The following GRID1 variants were observed in gnomAD, a reference collection of about 807,000 sequenced individuals.
GRID1 encodes glutamate receptor ionotropic, delta-1.
Under a neutral mutation model 98.0 loss-of-function variants are expected in GRID1, and 28 were observed. The observed-to-expected ratio is 0.29, with a 90% CI of 0.21 to 0.39. The LOEUF is 0.39. GRID1 is among the 10% of genes least tolerant of loss of function. GRID1 has a pLI of 1.00. For missense variants in GRID1, 1,111 were observed against 1,340.5 expected (o/e 0.83, Z 2.67); for synonymous variants, 553 against 538.5 (o/e 1.03, Z -0.37).
intron 12 of GRID1, among the ~76,000 whole-genome samples, chr10:85,698,751 A>G (rs1279662713): frequency 2.0e-5 from 3 of 152,258 alleles, no homozygotes; most frequent in Admixed American, 6.5e-5. Context: ...ACTGTCTGCC[A>G]AAGTGGCCAT....
At chr10:85,743,633 G>C (rs1841971270) in intron 8 of GRID1, among the ~76,000 whole-genome samples, 2 of 152,084 alleles carry the variant, frequency 1.3e-5, no homozygotes, top group South Asian at 2.1e-4. Flanking sequence ...ATTGGAAGCT[G>C]AAAAAGAAGC....
intron 3 of GRID1, among the ~76,000 whole-genome samples, chr10:86,182,223 T>A (rs1363989700): frequency 6.6e-6 from 1 of 152,218 alleles, no homozygotes; most frequent in Non-Finnish European, 1.5e-5. Flanking sequence ...CCTGAGGGGC[T>A]GCCCAGTGGC....
intron 2 of GRID1, among the ~76,000 whole-genome samples, chr10:86,288,722 CAGAT>C (rs1847469604): frequency 6.6e-6 from 1 of 152,194 alleles, no homozygotes; most frequent in Non-Finnish European, 1.5e-5. Flanking sequence ...CTCAAATTGC[CAGAT>C]AATGTCAATC....
chr10:85,794,347 T>C (rs1842506716), intron 8 of GRID1, among the ~76,000 whole-genome samples: 1 of 152,238 alleles, frequency 6.6e-6, no homozygotes, highest in Non-Finnish European at 1.5e-5. Context: ...TGAGATTGAA[T>C]CTCAGAGCAT....
At chr10:86,322,959 G>C (rs1030009093) in intron 2 of GRID1, among the ~76,000 whole-genome samples, 16 of 151,536 alleles carry the variant, frequency 1.1e-4, no homozygotes, top group Non-Finnish European at 2.1e-4. Context: ...GCTAGGTGTG[G>C]TGCCGCACAC....
At chr10:85,667,269 G>C (rs1322414779) in intron 12 of GRID1, among the ~76,000 whole-genome samples, 1 of 151,958 alleles carries the variant, frequency 6.6e-6, no homozygotes, top group African/African-American at 2.4e-5. Context: ...TTCAGGTAGA[G>C]GCAGGCATTC....
At chr10:85,702,700 G>A (rs1041560466) in intron 12 of GRID1, among the ~76,000 whole-genome samples, 7 of 151,564 alleles carry the variant, frequency 4.6e-5, no homozygotes, top group East Asian at 3.9e-4. Context: ...GGAAGAGGAA[G>A]ACGGACAACA....
At chr10:85,975,266 A>G (rs1296628644) in intron 4 of GRID1, among the ~76,000 whole-genome samples, 1 of 152,226 alleles carries the variant, frequency 6.6e-6, no homozygotes, top group East Asian at 1.9e-4. Context: ...TGACAAAAAC[A>G]CTGAGATTTC....
chr10:86,237,275 C>G (rs906764022), intron 2 of GRID1, among the ~76,000 whole-genome samples: 1 of 152,192 alleles, frequency 6.6e-6, no homozygotes, highest in East Asian at 1.9e-4. Context: ...GCTCAAATCT[C>G]ATGTCAAATT....
chr10:85,874,212 G>C (rs1589282810), intron 5 of GRID1, among the ~76,000 whole-genome samples: 1 of 152,016 alleles, frequency 6.6e-6, no homozygotes, highest in African/African-American at 2.4e-5. Context: ...AATATGTAAA[G>C]TGTAAAATAA....
chr10:86,152,140 T>A (rs1845178863), intron 3 of GRID1, among the ~76,000 whole-genome samples: 1 of 151,364 alleles, frequency 6.6e-6, no homozygotes, highest in Non-Finnish European at 1.5e-5. Context: ...GAGTGGGGAG[T>A]TGGAACTTGC....
At chr10:86,213,637 C>T (rs1244484699) in intron 2 of GRID1, among the ~76,000 whole-genome samples, 1 of 152,110 alleles carries the variant, frequency 6.6e-6, no homozygotes, top group Non-Finnish European at 1.5e-5. Flanking sequence ...GAATCATCAA[C>T]ATTCCTTGCA....
At chr10:86,126,718 T>C (rs193185885) in intron 4 of GRID1, among the ~76,000 whole-genome samples, 16 of 152,332 alleles carry the variant, frequency 1.1e-4, no homozygotes, top group Non-Finnish European at 1.5e-4. Flanking sequence ...GCTACAAACA[T>C]TTAAAAACTA....
chr10:86,271,686 T>C (rs1004215171), intron 2 of GRID1, among the ~76,000 whole-genome samples: 4 of 151,962 alleles, frequency 2.6e-5, no homozygotes, highest in Admixed American at 1.3e-4. Flanking sequence ...AATTAGCAAA[T>C]TTAAATACAT....
At chr10:85,640,368 G>T (rs1422792629) in intron 13 of GRID1, among the ~76,000 whole-genome samples, 2 of 152,162 alleles carry the variant, frequency 1.3e-5, no homozygotes, top group African/African-American at 4.8e-5. Context: ...TGGCTACAAG[G>T]GCTCTTGCTG....
At chr10:86,263,720 G>A (rs1478267957) in intron 2 of GRID1, among the ~76,000 whole-genome samples, 1 of 152,134 alleles carries the variant, frequency 6.6e-6, no homozygotes, top group African/African-American at 2.4e-5. Flanking sequence ...AACAGTGCCT[G>A]GTACATATCA....
At chr10:85,865,918 T>TATATATATATATATATATATATATAC (rs1843211893) in intron 6 of GRID1, among the ~76,000 whole-genome samples, 1 of 94,534 alleles carries the variant, frequency 1.1e-5, no homozygotes, top group Non-Finnish European at 2.1e-5. Context: ...TATACATATA[T>TATATATATATATATATATATATATAC]ATATATATAT....
At chr10:85,832,668 A>T (rs1008517896) in intron 8 of GRID1, among the ~76,000 whole-genome samples, 3 of 152,160 alleles carry the variant, frequency 2.0e-5, no homozygotes, top group African/African-American at 7.2e-5. Context: ...CAAAATAGTA[A>T]TGGAACTCAG....
At chr10:85,906,303 G>C (rs1370546489) in intron 5 of GRID1, among the ~76,000 whole-genome samples, 2 of 152,008 alleles carry the variant, frequency 1.3e-5, no homozygotes, top group African/African-American at 4.8e-5. Context: ...TCACAATTAA[G>C]GATGAGTATT....
Sources: gnomAD v4.1 joint callset for allele counts (sites outside exome capture counted in the v4.1 genomes callset) on GRCh38, gnomAD v4.1.1 for gene constraint, MANE v1.5 for transcripts, NCBI Gene and HGNC (gene_info 2026-07-23, HGNC 2026-07-21) for gene names.